DUS4L: variants seen among roughly 807,000 people sequenced by gnomAD.
DUS4L encodes the protein tRNA-dihydrouridine(20a/20b) synthase [NAD(P)+]-like.
A neutral mutation model predicts 33.8 loss-of-function variants in DUS4L; 31 were observed. That is an observed-to-expected ratio of 0.92 (90% confidence interval 0.69 to 1.24). DUS4L has a LOEUF of 1.24. DUS4L is among the 50% of genes most tolerant of loss of function. DUS4L has a pLI of 0.00. For missense variants in DUS4L, 368 were observed against 388.6 expected (o/e 0.95, Z 0.45); for synonymous variants, 103 against 120.3 (o/e 0.86, Z 0.94).
chr7:107,565,815 T>C (rs913676688), intron 2 of DUS4L, among the ~76,000 whole-genome samples: 17 of 152,130 alleles, frequency 1.1e-4, no homozygotes, highest in Admixed American at 6.6e-5. Flanking sequence ...GTGAGCCCAG[T>C]CCCCTGAAAC....
At position 107,563,974 on chromosome 7, in the gene DUS4L, C is replaced by G. The variant is rs1265327145; in HGVS notation, c.-346C>G. 6.4e-7 allele frequency: 1 copy of G among 1,573,680 alleles called. No individual in the cohort carries two copies. The highest frequency in any genetic ancestry group is 8.6e-7 in the Non-Finnish European group (1 of 1,160,118). On this transcript the variant is annotated 5_prime_UTR_variant, in exon 1 of 8. Coordinates refer to ENST00000265720, the MANE Select transcript of DUS4L (RefSeq NM_181581.3). ...GGTGACGCAGAATCCCGGCGCCGCC[C>G]GCCCACCCAGCCCATGGCTCCAGGC...
chr7:107,567,264 C>A, intron 3 of DUS4L, 78 bp downstream of exon 3: 2 of 1,219,648 alleles, frequency 1.6e-6, no homozygotes, highest in South Asian at 1.3e-5. Flanking sequence ...TACTGTAAGA[C>A]CACCCACCAT....
intron 5 of DUS4L, among the ~76,000 whole-genome samples, chr7:107,574,649 G>C (rs1474137648): frequency 1.3e-5 from 2 of 152,096 alleles, no homozygotes; most frequent in East Asian, 3.9e-4. Context: ...GACAATAATA[G>C]TTCTACTTTA....
At chr7:107,567,621 T>G in intron 3 of DUS4L, 1 of 251,896 alleles carries the variant, frequency 4.0e-6, no homozygotes, top group South Asian at 4.5e-5. Context: ...TACTATTGAG[T>G]TTTTTTAGAA....
intron 3 of DUS4L, among the ~76,000 whole-genome samples, chr7:107,568,050 A>G (rs779390748): frequency 2.0e-5 from 3 of 152,188 alleles, no homozygotes; most frequent in Non-Finnish European, 4.4e-5. Context: ...ATCCATTCAT[A>G]TATTGATAGA....
At position 107,577,522 on chromosome 7, in the gene DUS4L, G is replaced by A. The variant is rs1805860604; in HGVS notation, c.916G>A (p.Ala306Thr). 1 of 1,613,902 alleles carries A rather than the reference G, an allele frequency of 6.2e-7. No individual in the cohort carries two copies. The highest frequency in any genetic ancestry group is 1.7e-5 in the Admixed American group (1 of 60,000). Residue 306 changes from alanine (A) to threonine (T), a missense_variant, in exon 8 of 8, where the codon GCA (alanine) becomes ACA (threonine). Transcript: ENST00000265720. ...ATTTAATGCTCTGTCAAGCACATCAGCAATCATAGATTACCTTACAGACCA... is the reference window on the plus strand; with the variant it reads ...ATTTAATGCTCTGTCAAGCACATCAACAATCATAGATTACCTTACAGACCA... ...RVFNALSSTS[A>T]IIDYLTDHYG... is the part of the protein sequence containing the mutation.
intron 3 of DUS4L, among the ~76,000 whole-genome samples, chr7:107,569,086 C>G (rs991099503): frequency 1.3e-5 from 2 of 152,226 alleles, no homozygotes; most frequent in Non-Finnish European, 2.9e-5. Flanking sequence ...TGCCAATAGT[C>G]CCAGCTGCTG....
chr7:107,576,239 G>A, intron 6 of DUS4L, 127 bp from the exon 7 acceptor site: 5 of 911,794 alleles, frequency 5.5e-6, no homozygotes, highest in East Asian at 2.8e-5. Context: ...TGCTGATAAT[G>A]ACATAGAGTA....
At chr7:107,564,395 A>C (rs1804360243) in intron 1 of DUS4L, 186 bp downstream of exon 1, 1 of 200,960 alleles carries the variant, frequency 5.0e-6, no homozygotes, top group Non-Finnish European at 1.0e-5. Context: ...CTTGATTGGC[A>C]CTCCTGGGGT....
At position 107,566,887 on chromosome 7, in the gene DUS4L, C is replaced by G. The variant is rs760745721; in HGVS notation, c.-21-163C>G. ...TTATCTTACAAATAGAGGCAGCATTCTATAGTATCATATTGGATACTGTGA... is the reference window on the plus strand; with the variant it reads ...TTATCTTACAAATAGAGGCAGCATTGTATAGTATCATATTGGATACTGTGA... On this transcript the variant is annotated intron_variant, in intron 2 of 7. Coordinates refer to ENST00000265720, the MANE Select transcript of DUS4L (RefSeq NM_181581.3). Among the ~76,000 whole-genome samples, 18 of 151,942 alleles carry G rather than the reference C, an allele frequency of 1.2e-4. 1 individual carries two copies. The highest frequency in any genetic ancestry group is 2.1e-4 in the Non-Finnish European group (14 of 67,974).
intron 3 of DUS4L, among the ~76,000 whole-genome samples, chr7:107,567,590 T>TA (rs1804825591): frequency 6.6e-6 from 1 of 152,222 alleles, no homozygotes; most frequent in Admixed American, 6.5e-5. Context: ...GCTCATCTTC[T>TA]AATTGGATTG....
In DUS4L at chr7:107,567,086, A is replaced by G. The variant is rs1340207083; in HGVS notation, c.16A>G (p.Met6Val). 2 of 1,613,288 alleles carry G rather than the reference A, an allele frequency of 1.2e-6. No homozygotes were observed. Among genetic ancestry groups the G allele is most frequent in the African/African-American group, 1.3e-5 (1 of 74,906 alleles). The stretch of plus-strand genomic sequence containing the variant: ...ATCTGTATTAATGAAGAGTGACTGC[A>G]TGCAAACGACAATATGTCAGGAAAG... MKSDC[M>V]QTTICQERKK... Residue 6 changes from methionine (M) to valine (V), a missense_variant, in exon 3 of 8, where the codon ATG becomes GTG. Coordinates refer to ENST00000265720, the MANE Select transcript of DUS4L (RefSeq NM_181581.3).
intron 4 of DUS4L, among the ~76,000 whole-genome samples, 194 bp from the exon 5 acceptor site, chr7:107,573,510 T>C (rs572326791): frequency 6.6e-6 from 1 of 152,384 alleles, no homozygotes; most frequent in Non-Finnish European, 1.5e-5. Flanking sequence ...TTGTACTGTT[T>C]GAATTTTTTA....
At chr7:107,569,341 CTATAA>C (rs1456421134) in intron 3 of DUS4L, among the ~76,000 whole-genome samples, 3 of 152,186 alleles carry the variant, frequency 2.0e-5, no homozygotes, top group African/African-American at 7.2e-5. Context: ...CTATATAGCT[CTATAA>C]TATGTCTTGA....
At chr7:107,575,417 G>A (rs1025646960) in intron 6 of DUS4L, 107 bp downstream of exon 6, 50 of 1,227,972 alleles carry the variant, frequency 4.1e-5, no homozygotes, top group East Asian at 5.3e-5. Flanking sequence ...AAATAAATTG[G>A]TAGCTGGTGT....
chr7:107,577,316 T>C lies in DUS4L; in HGVS notation c.710T>C (p.Val237Ala). ...NVWRITGTDG[V>A]MVARGLLANP... ...TATGGTGTGCTTTAATTTGTAGGTG[T>C]GATGGTTGCAAGAGGACTCTTAGCA... Residue 237 changes from valine (V) to alanine (A), a missense_variant, in exon 8 of 8, where the codon GTG (valine) becomes GCG (alanine). By Grantham distance (64) the Val-to-Ala change is moderately conservative. Coordinates refer to ENST00000265720, the MANE Select transcript of DUS4L (RefSeq NM_181581.3). 2 of 1,614,062 alleles carry C rather than the reference T, an allele frequency of 1.2e-6. No individual in the cohort carries two copies. Among genetic ancestry groups the C allele is most frequent in the Non-Finnish European group, 1.7e-6 (2 of 1,179,962 alleles).
intron 4 of DUS4L, 139 bp from the exon 5 acceptor site, chr7:107,573,565 G>T: frequency 4.1e-6 from 3 of 724,222 alleles, no homozygotes; most frequent in Non-Finnish European, 6.2e-6. Context: ...ATTGTTTAAT[G>T]TTATATTATT....
chr7:107,565,697 T>C (rs1401578590), intron 2 of DUS4L, among the ~76,000 whole-genome samples: 3 of 152,140 alleles, frequency 2.0e-5, no homozygotes, highest in Admixed American at 2.0e-4. Flanking sequence ...CTGATTTTTA[T>C]AATTTTTTTA....
intron 3 of DUS4L, chr7:107,567,923 T>A (rs1804864604): frequency 4.0e-6 from 1 of 249,398 alleles, no homozygotes; most frequent in African/African-American, 2.3e-5. Context: ...TTGCTAATAT[T>A]TTATGCAGCA....
Sources: gnomAD v4.1 joint callset for allele counts (sites outside exome capture counted in the v4.1 genomes callset) on GRCh38, gnomAD v4.1.1 for gene constraint, MANE v1.5 for transcripts, NCBI Gene and HGNC (gene_info 2026-07-23, HGNC 2026-07-21) for gene names.